TMEM117: variants seen among roughly 807,000 people sequenced by gnomAD.
TMEM117 encodes the protein transmembrane protein 117.
A neutral mutation model predicts 52.4 loss-of-function variants in TMEM117; 27 were observed. The observed-to-expected ratio is 0.51, with a 90% CI of 0.38 to 0.71. The LOEUF is 0.71. Among genes scored for constraint, TMEM117 ranks in the 30% least tolerant of loss-of-function variants. TMEM117 has a pLI of 0.00. For synonymous variants in TMEM117, 215 were observed against 206.3 expected (o/e 1.04, Z -0.36); for missense variants, 556 against 630.5 (o/e 0.88, Z 1.26).
intron 3 of TMEM117, among the ~76,000 whole-genome samples, chr12:43,972,056 G>GC (rs1945596511): frequency 6.6e-6 from 1 of 152,102 alleles, no homozygotes; most frequent in Non-Finnish European, 1.5e-5. Flanking sequence ...GCCCTTGGAG[G>GC]AACAGGGCCA....
intron 6 of TMEM117, among the ~76,000 whole-genome samples, chr12:44,359,820 C>T (rs1027140511): frequency 1.3e-5 from 2 of 152,028 alleles, no homozygotes; most frequent in African/African-American, 2.4e-5. Flanking sequence ...TATATTTACA[C>T]GTTACAAACT....
chr12:43,957,144 G>T (rs145822768), intron 3 of TMEM117, among the ~76,000 whole-genome samples: 10,690 of 152,056 alleles, frequency 0.07, 983 homozygotes, highest in African/African-American at 0.21. Context: ...CAGACACTGG[G>T]GCCTGTTGGG....
chr12:43,992,169 T>C lies in TMEM117; in HGVS notation c.410+47827T>C, dbSNP rs77015470. ...GTCTGGGTGAATGAGTAAGATCCTG[T>C]CTCCAAAAAAAAAAGGCAAGTCTGA... is the stretch of plus-strand genomic sequence containing the variant. On this transcript the variant is annotated intron_variant, in intron 3 of 7. Coordinates refer to ENST00000266534, the MANE Select transcript of TMEM117 (RefSeq NM_032256.3). Among the ~76,000 whole-genome samples the C allele has an allele frequency of 1.5e-3, 223 of 151,398 alleles. 3 individuals are homozygous for C. In the East Asian group the frequency reaches 0.036, roughly 24 times the overall value.
chr12:44,046,642 T>TC (rs1946884897), intron 3 of TMEM117, among the ~76,000 whole-genome samples: 1 of 152,156 alleles, frequency 6.6e-6, no homozygotes, highest in African/African-American at 2.4e-5. Context: ...AAGAAGGTAG[T>TC]CATCAATACC....
chr12:44,231,766 G>A (rs1465546611), intron 5 of TMEM117, among the ~76,000 whole-genome samples: 1 of 151,594 alleles, frequency 6.6e-6, no homozygotes, highest in Non-Finnish European at 1.5e-5. Flanking sequence ...CAAGTTTCTT[G>A]CCCATGTTTC....
intron 4 of TMEM117, among the ~76,000 whole-genome samples, chr12:44,198,148 C>T (rs1335634652): frequency 6.6e-6 from 1 of 151,994 alleles, no homozygotes; most frequent in African/African-American, 2.4e-5. Flanking sequence ...TGTTCTTTAT[C>T]TCAGTTGGAA....
intron 3 of TMEM117, among the ~76,000 whole-genome samples, chr12:44,079,492 T>C (rs1947443391): frequency 6.6e-6 from 1 of 152,228 alleles, no homozygotes; most frequent in African/African-American, 2.4e-5. Flanking sequence ...CATATGTTTG[T>C]TGACTGCATA....
intron 2 of TMEM117, among the ~76,000 whole-genome samples, chr12:43,897,078 A>C (rs1944217621): frequency 6.6e-6 from 1 of 152,056 alleles, no homozygotes; most frequent in South Asian, 2.1e-4. Context: ...TATTAAGTAA[A>C]TTCTCCCTCA....
At chr12:44,031,366 G>A (rs1946630039) in intron 3 of TMEM117, among the ~76,000 whole-genome samples, 1 of 152,148 alleles carries the variant, frequency 6.6e-6, no homozygotes, top group South Asian at 2.1e-4. Flanking sequence ...GCCATCCACA[G>A]ACAACTGTGT....
intron 3 of TMEM117, among the ~76,000 whole-genome samples, chr12:43,977,656 T>C (rs569077928): frequency 3.3e-5 from 5 of 152,298 alleles, no homozygotes; most frequent in African/African-American, 1.2e-4. Context: ...TTTTTTGTTT[T>C]CTGAGCATAT....
At chr12:44,156,835 G>A (rs905117617) in intron 4 of TMEM117, among the ~76,000 whole-genome samples, 38 of 152,120 alleles carry the variant, frequency 2.5e-4, no homozygotes, top group African/African-American at 7.9e-4. Flanking sequence ...ACATTGCCAC[G>A]AGGCAATATA....
chr12:44,267,244 A>G (rs549557095), intron 5 of TMEM117, among the ~76,000 whole-genome samples: 1 of 152,132 alleles, frequency 6.6e-6, no homozygotes, highest in Admixed American at 6.5e-5. Flanking sequence ...TGTTACATTT[A>G]TTTTTAAATA....
chr12:43,935,262 T>C (rs1488147414), intron 2 of TMEM117, among the ~76,000 whole-genome samples: 1 of 152,230 alleles, frequency 6.6e-6, no homozygotes, highest in Non-Finnish European at 1.5e-5. Flanking sequence ...AATAGTCATA[T>C]CATGTTTTTA....
At chr12:44,136,033 C>T (rs1283869699) in intron 3 of TMEM117, among the ~76,000 whole-genome samples, 1 of 152,180 alleles carries the variant, frequency 6.6e-6, no homozygotes, top group East Asian at 1.9e-4. Context: ...GCTTAGCTTA[C>T]AATTCCCTTT....
chr12:44,364,768 G>A (rs148882190), intron 6 of TMEM117, among the ~76,000 whole-genome samples: 132 of 152,136 alleles, frequency 8.7e-4, no homozygotes, highest in African/African-American at 2.9e-3. Context: ...AGATCTTCTT[G>A]TGTTTTTGCA....
At chr12:43,804,552 T>G in the TMEM117 span, 4 of 1,603,576 alleles carry the variant, frequency 2.5e-6, no homozygotes, top group South Asian at 4.5e-5. Context: ...CTGGCAAAGA[T>G]CTCTTTAACA....
At chr12:44,281,214 T>A (rs1444201332) in intron 5 of TMEM117, among the ~76,000 whole-genome samples, 1 of 152,226 alleles carries the variant, frequency 6.6e-6, no homozygotes, top group Non-Finnish European at 1.5e-5. Flanking sequence ...CCTTTAAATA[T>A]TTACGTATAA....
chr12:43,799,398 C>T, the TMEM117 span: 31 of 1,594,124 alleles, frequency 1.9e-5, no homozygotes, highest in Non-Finnish European at 2.5e-5. Context: ...TGTAACTTAC[C>T]TCATTGATTT....
At chr12:43,797,904 A>C in the TMEM117 span, 3 of 1,493,778 alleles carry the variant, frequency 2.0e-6, no homozygotes, top group Non-Finnish European at 2.7e-6. Flanking sequence ...AGAAAACCCA[A>C]CCTCTATAAA....
Sources: allele counts gnomAD v4.1 joint callset (sites outside exome capture counted in the v4.1 genomes callset), GRCh38; gene constraint gnomAD v4.1.1; transcripts MANE v1.5; gene names NCBI Gene and HGNC (gene_info 2026-07-23, HGNC 2026-07-21).